Variants in IWS1 observed in about 807,000 individuals in gnomAD.
The protein encoded by IWS1 is protein IWS1 homolog.
In IWS1, 27 loss-of-function variants were observed where a neutral mutation model predicts 86.7. That is an observed-to-expected ratio of 0.31 (90% CI 0.23 to 0.43). IWS1 has a LOEUF of 0.43. Among genes scored for constraint, IWS1 ranks in the 20% least tolerant of loss-of-function variants. IWS1 has a pLI of 1.00. For synonymous variants in IWS1, 313 were observed against 335.1 expected, an observed-to-expected ratio of 0.93 and a Z score of 0.72; for missense variants, 827 against 1,000.8, an observed-to-expected ratio of 0.83 and a Z score of 2.34.
At chr2:127,490,003 A>G (rs1263083702) in intron 10 of IWS1, 60 bp from the exon 11 acceptor site, 2 of 892,408 alleles carry the variant, frequency 2.2e-6, no homozygotes. Flanking sequence ...TTTTTTTCAA[A>G]TAATTGCACC....
intron 2 of IWS1, among the ~76,000 whole-genome samples, chr2:127,509,040 C>G (rs1422967544): frequency 6.6e-6 from 1 of 152,068 alleles, no homozygotes; most frequent in Non-Finnish European, 1.5e-5. Flanking sequence ...TTCACGAAAA[C>G]ATAGCATTAT....
At chr2:127,481,215 T>C in intron 13 of IWS1, 40 bp from the exon 14 acceptor site, 1 of 1,561,298 alleles carries the variant, frequency 6.4e-7, no homozygotes, top group Non-Finnish European at 8.6e-7. Context: ...ACTACTGAAA[T>C]ACGTAAGTCT....
chr2:127,498,974 T>G (rs764952480), intron 5 of IWS1: 3 of 152,242 alleles, frequency 2.0e-5, no homozygotes, highest in Non-Finnish European at 4.4e-5. Flanking sequence ...CTTATCAGTA[T>G]GTAAAATCTC....
chr2:127,525,093 G>T (rs1032153657), intron 1 of IWS1, among the ~76,000 whole-genome samples: 1 of 149,504 alleles, frequency 6.7e-6, no homozygotes, highest in Non-Finnish European at 1.5e-5. Flanking sequence ...GACGAAGTAG[G>T]GGGGTGGGGT....
chr2:127,498,086 C>T, intron 6 of IWS1, 54 bp downstream of exon 6: 1 of 1,374,652 alleles, frequency 7.3e-7, no homozygotes, highest in Non-Finnish European at 1.0e-6. Flanking sequence ...GTTTAATAGT[C>T]TCTACCTTGA....
At chr2:127,492,558 A>G (rs995467837) in intron 9 of IWS1, among the ~76,000 whole-genome samples, 1 of 152,058 alleles carries the variant, frequency 6.6e-6, no homozygotes, top group Non-Finnish European at 1.5e-5. Context: ...AAAAAAAAAA[A>G]AACAAAAAGA....
intron 7 of IWS1, 68 bp downstream of exon 7, chr2:127,495,930 C>G: frequency 2.1e-6 from 3 of 1,397,802 alleles, no homozygotes; most frequent in East Asian, 5.0e-5. Context: ...GGTTAAGTAT[C>G]AAAAAAAGGG....
intron 2 of IWS1, among the ~76,000 whole-genome samples, chr2:127,516,350 G>A (rs560664827): frequency 7.2e-5 from 11 of 151,762 alleles, no homozygotes; most frequent in South Asian, 6.2e-4. Flanking sequence ...CCCCGCCCCC[G>A]CAATACACAC....
At chr2:127,526,722 T>C, upstream of IWS1, 3 of 1,285,974 alleles carry the variant, frequency 2.3e-6, no homozygotes, top group South Asian at 3.7e-5. Context: ...TGTCCGTGCC[T>C]TGTTTGAAGA....
At chr2:127,513,265 G>C (rs1334453758) in intron 2 of IWS1, among the ~76,000 whole-genome samples, 2 of 150,308 alleles carry the variant, frequency 1.3e-5, no homozygotes, top group Non-Finnish European at 2.9e-5. Flanking sequence ...ACAAAAAAAA[G>C]GTTTAATTAA....
intron 13 of IWS1, among the ~76,000 whole-genome samples, chr2:127,481,833 A>G (rs1174875606): frequency 6.6e-6 from 1 of 152,228 alleles, no homozygotes; most frequent in African/African-American, 2.4e-5. Flanking sequence ...CTGAGCACAT[A>G]TAGTCAGTGC....
At chr2:127,491,119 T>C (rs1223829968) in intron 10 of IWS1, among the ~76,000 whole-genome samples, 2 of 152,230 alleles carry the variant, frequency 1.3e-5, no homozygotes, top group African/African-American at 4.8e-5. Context: ...TGGATTTCTC[T>C]GGCATCATTA....
At chr2:127,511,269 C>T (rs1332740971) in intron 2 of IWS1, 2 of 152,176 alleles carry the variant, frequency 1.3e-5, no homozygotes, top group East Asian at 3.8e-4. Context: ...CTGCTATTTT[C>T]TACTATGTGA....
In IWS1 at chr2:127,520,900, G is replaced by A. The variant is rs1012459157; in HGVS notation, c.150+2776C>T. On this transcript the variant is annotated intron_variant, in intron 2 of 13. Coordinates refer to ENST00000295321, the MANE Select transcript of IWS1 (RefSeq NM_017969.3). ...ATATTGTGAAACCATTAAACATTAC[G>A]CTTATTGAGAATCTTTAATGACGTG... Among the ~76,000 whole-genome samples, 10 of 152,310 alleles carry A rather than the reference G, an allele frequency of 6.6e-5. No individual in the cohort carries two copies. In the East Asian group the frequency reaches 1.2e-3, roughly 18 times the overall value.
chr2:127,496,156 A>G lies in IWS1; in HGVS notation c.1566-8T>C. ...TCTGACAGAAAGTCCATACTAAAGC[A>G]GTAAACAAAAGCAAGTGAAATACAA... On this transcript the variant is annotated splice_polypyrimidine_tract_variant and splice_region_variant and intron_variant, in intron 6 of 13. Coordinates refer to ENST00000295321, the MANE Select transcript of IWS1 (RefSeq NM_017969.3). The G allele has an allele frequency of 6.3e-7, 1 of 1,599,990 alleles. No individual in the cohort carries two copies. Among genetic ancestry groups the G allele is most frequent in the Non-Finnish European group, 8.5e-7 (1 of 1,175,570 alleles).
At chr2:127,514,965 G>A (rs933479771) in intron 2 of IWS1, 8 of 152,198 alleles carry the variant, frequency 5.3e-5, no homozygotes, top group Admixed American at 2.6e-4. Context: ...CCTGCCAACC[G>A]GAAGTGGCAC....
chr2:127,508,466 G>A (rs745896706), intron 2 of IWS1, among the ~76,000 whole-genome samples: 2 of 152,134 alleles, frequency 1.3e-5, no homozygotes, highest in Non-Finnish European at 2.9e-5. Flanking sequence ...AAAGCAGGAG[G>A]CAAAAAGGAA....
intron 1 of IWS1, among the ~76,000 whole-genome samples, chr2:127,525,263 GAA>G (rs938006659): frequency 2.8e-4 from 43 of 152,246 alleles, no homozygotes; most frequent in African/African-American, 1.0e-3. Flanking sequence ...CCTGGCTTAG[GAA>G]AGTGTTTTTA....
chr2:127,497,056 T>C (rs1690549228), intron 6 of IWS1, among the ~76,000 whole-genome samples: 1 of 152,216 alleles, frequency 6.6e-6, no homozygotes, highest in African/African-American at 2.4e-5. Flanking sequence ...TATAATACTA[T>C]GATATTGATA....
Sources: allele counts gnomAD v4.1 joint callset (sites outside exome capture counted in the v4.1 genomes callset), GRCh38; gene constraint gnomAD v4.1.1; transcripts MANE v1.5; gene names NCBI Gene and HGNC (gene_info 2026-07-23, HGNC 2026-07-21).